Variants in IL1RAPL1 observed in about 807,000 individuals in gnomAD.
The protein encoded by IL1RAPL1 is interleukin-1 receptor accessory protein-like 1.
IL1RAPL1 carries 3 observed loss-of-function variants against 48.4 expected under a neutral mutation model. The ratio of observed to expected loss-of-function variants is 0.06; its 90% CI spans 0.03 to 0.16. The LOEUF (loss-of-function observed/expected upper bound fraction) is 0.16, where lower values mean the gene tolerates loss of function less well. Among genes scored for constraint, IL1RAPL1 ranks in the 10% least tolerant of loss-of-function variants. The pLI is 1.00. For missense variants in IL1RAPL1, 349 were observed against 530.6 expected, an observed-to-expected ratio of 0.66 and a Z score of 3.36; for synonymous variants, 185 against 187.7, an observed-to-expected ratio of 0.99 and a Z score of 0.12.
intron 2 of IL1RAPL1, among the ~76,000 whole-genome samples, chrX:29,078,081 C>G (rs752194200): frequency 1.8e-5 from 2 of 112,017 alleles, no homozygotes; most frequent in African/African-American, 3.2e-5. Flanking sequence ...ACCAGCCTAG[C>G]TAACATGGTG....
At chrX:29,702,950 C>T (rs1007305350) in intron 6 of IL1RAPL1, among the ~76,000 whole-genome samples, 8 of 112,031 alleles carry the variant, frequency 7.1e-5, no homozygotes, top group Non-Finnish European at 1.1e-4. Context: ...CCTAGGCTAC[C>T]ACATGAATTA....
chrX:29,500,240 C>G (rs1241445253), intron 5 of IL1RAPL1, among the ~76,000 whole-genome samples: 1 of 112,143 alleles, frequency 8.9e-6, no homozygotes, highest in African/African-American at 3.2e-5. Context: ...CTCGGCCTCC[C>G]AAAGTGTTGG....
intron 2 of IL1RAPL1, among the ~76,000 whole-genome samples, chrX:29,085,823 G>A (rs1248323702): frequency 8.0e-5 from 9 of 111,849 alleles, no homozygotes; most frequent in Non-Finnish European, 1.3e-4. Context: ...TGCTGTCTCC[G>A]TGTTATCAGA....
chrX:29,664,491 G>T (rs933196086), intron 5 of IL1RAPL1, among the ~76,000 whole-genome samples: 3 of 110,857 alleles, frequency 2.7e-5, no homozygotes, highest in African/African-American at 9.9e-5. Flanking sequence ...TTTTATGGTA[G>T]GATAAGTATA....
At chrX:29,774,727 C>T (rs926090599) in intron 6 of IL1RAPL1, among the ~76,000 whole-genome samples, 6 of 111,566 alleles carry the variant, frequency 5.4e-5, no homozygotes, top group African/African-American at 2.0e-4. Context: ...ATGTTTGTGT[C>T]GAGAAGACAC....
intron 6 of IL1RAPL1, among the ~76,000 whole-genome samples, chrX:29,835,073 C>G (rs1281472535): frequency 8.9e-6 from 1 of 112,080 alleles, no homozygotes; most frequent in African/African-American, 3.2e-5. Context: ...GATGCTGTGT[C>G]TATTATTTCA....
intron 2 of IL1RAPL1, among the ~76,000 whole-genome samples, chrX:29,052,934 T>A (rs1230833684): frequency 9.0e-6 from 1 of 111,687 alleles, no homozygotes; most frequent in Non-Finnish European, 1.9e-5. Context: ...ATAGATAAAC[T>A]TGTGTCATGG....
intron 1 of IL1RAPL1, among the ~76,000 whole-genome samples, chrX:28,735,571 A>G (rs182576512): frequency 2.5e-3 from 279 of 110,100 alleles, no homozygotes; most frequent in African/African-American, 8.9e-3. Flanking sequence ...TGAGGCCCGG[A>G]GTTCAAGCCC....
At chrX:28,796,747 C>T (rs188556156) in intron 2 of IL1RAPL1, among the ~76,000 whole-genome samples, 5 of 111,163 alleles carry the variant, frequency 4.5e-5, no homozygotes, top group African/African-American at 1.6e-4. Context: ...TGCAAGCTGT[C>T]GGTGGGTCTA....
intron 2 of IL1RAPL1, among the ~76,000 whole-genome samples, chrX:28,836,641 AG>A (rs1320629189): frequency 2.7e-5 from 3 of 109,801 alleles, no homozygotes; most frequent in Admixed American, 9.8e-5. Flanking sequence ...CTTAAAATAA[AG>A]GAAGTTGATA....
At chrX:28,949,666 G>C (rs1924398816) in intron 2 of IL1RAPL1, among the ~76,000 whole-genome samples, 1 of 110,059 alleles carries the variant, frequency 9.1e-6, no homozygotes. Context: ...TTGTGGTTTT[G>C]ATTTGCATTT....
intron 2 of IL1RAPL1, among the ~76,000 whole-genome samples, chrX:28,975,204 T>C (rs1193786468): frequency 8.9e-6 from 1 of 112,051 alleles, no homozygotes; most frequent in East Asian, 2.8e-4. Flanking sequence ...TGAATACTTG[T>C]TTCATACTTC....
intron 2 of IL1RAPL1, among the ~76,000 whole-genome samples, chrX:28,939,638 G>A (rs1924114842): frequency 9.0e-6 from 1 of 110,717 alleles, no homozygotes; most frequent in Non-Finnish European, 1.9e-5. Context: ...TGACATGAGT[G>A]CACCTATATA....
intron 6 of IL1RAPL1, among the ~76,000 whole-genome samples, chrX:29,836,549 G>T (rs974279634): frequency 1.8e-5 from 2 of 111,744 alleles, no homozygotes; most frequent in Admixed American, 1.9e-4. Flanking sequence ...TGTCTTCATT[G>T]ATCCATTTGT....
At chrX:29,319,176 A>G (rs962550191) in intron 3 of IL1RAPL1, among the ~76,000 whole-genome samples, 21 of 83,732 alleles carry the variant, frequency 2.5e-4, no homozygotes, top group East Asian at 9.5e-4. Flanking sequence ...CTATCTATCT[A>G]TCTATCTATC....
At chrX:29,368,845 C>G (rs533940689) in intron 3 of IL1RAPL1, among the ~76,000 whole-genome samples, 2 of 110,055 alleles carry the variant, frequency 1.8e-5, no homozygotes, top group African/African-American at 6.6e-5. Context: ...CTGTCTTGCT[C>G]TATGACCACT....
intron 6 of IL1RAPL1, among the ~76,000 whole-genome samples, chrX:29,703,020 T>G (rs1215000787): frequency 8.9e-6 from 1 of 112,280 alleles, no homozygotes; most frequent in Non-Finnish European, 1.9e-5. Flanking sequence ...GAAAATCATC[T>G]TAGCATCTTC....
chrX:29,191,242 AAATT>A (rs1209648968), intron 2 of IL1RAPL1, among the ~76,000 whole-genome samples: 3 of 112,042 alleles, frequency 2.7e-5, no homozygotes, highest in African/African-American at 9.7e-5. Flanking sequence ...ATAATTATAA[AAATT>A]AAATAAATAA....
chrX:28,621,436 G>A (rs1413239250), intron 1 of IL1RAPL1, among the ~76,000 whole-genome samples: 1 of 111,596 alleles, frequency 9.0e-6, no homozygotes, highest in Non-Finnish European at 1.9e-5. Context: ...ACCACTCTAT[G>A]CCACATTTGA....
Sources: allele counts gnomAD v4.1 joint callset (sites outside exome capture counted in the v4.1 genomes callset), GRCh38; gene constraint gnomAD v4.1.1; transcripts MANE v1.5; gene names NCBI Gene and HGNC (gene_info 2026-07-23, HGNC 2026-07-21).